ADIPOR2: variants seen among roughly 807,000 people sequenced by gnomAD.
ADIPOR2 encodes the protein adiponectin receptor 2, also known as adiponectin receptor protein 2.
ADIPOR2 carries 18 observed loss-of-function variants against 40.9 expected under a neutral mutation model. The observed-to-expected ratio is 0.44, with a 90% CI of 0.30 to 0.65. The LOEUF is 0.65. Among genes scored for constraint, ADIPOR2 ranks in the 30% least tolerant of loss-of-function variants. The pLI, the probability that ADIPOR2 is intolerant of heterozygous loss-of-function variation, is 0.09. For synonymous variants in ADIPOR2, 165 were observed against 166.4 expected (o/e 0.99, Z 0.06); for missense variants, 283 against 479.2 (o/e 0.59, Z 3.82).
intron 5 of ADIPOR2, 75 bp from the exon 6 acceptor site, chr12:1,780,814 G>A (rs1256992663): frequency 7.0e-7 from 1 of 1,427,710 alleles, no homozygotes. Context: ...TATGTCATGA[G>A]GGATTAATTG....
At chr12:1,764,232 T>C (rs1459411060) in intron 2 of ADIPOR2, among the ~76,000 whole-genome samples, 1 of 152,176 alleles carries the variant, frequency 6.6e-6, no homozygotes, top group Non-Finnish European at 1.5e-5. Flanking sequence ...ACTATATTAA[T>C]ACTTTTTTGT....
chr12:1,758,196 T>A (rs959894946), intron 2 of ADIPOR2, among the ~76,000 whole-genome samples: 1 of 152,250 alleles, frequency 6.6e-6, no homozygotes, highest in African/African-American at 2.4e-5. Context: ...TTAATTTCAC[T>A]AATAAATAAT....
At chr12:1,753,960 C>T (rs1306085828) in intron 1 of ADIPOR2, among the ~76,000 whole-genome samples, 1 of 151,940 alleles carries the variant, frequency 6.6e-6, no homozygotes, top group Admixed American at 6.6e-5. Context: ...TCTTCTGTAC[C>T]AAGAGTATGG....
chr12:1,731,913 G>A (rs780096430), intron 1 of ADIPOR2, among the ~76,000 whole-genome samples: 12 of 152,084 alleles, frequency 7.9e-5, no homozygotes, highest in Non-Finnish European at 1.2e-4. Flanking sequence ...GCAGTGAGCC[G>A]AGATCGTGCA....
At chr12:1,755,171 C>A (rs1862098293) in intron 2 of ADIPOR2, among the ~76,000 whole-genome samples, 1 of 151,540 alleles carries the variant, frequency 6.6e-6, no homozygotes, top group South Asian at 2.1e-4. Context: ...CCTCTACCTT[C>A]CAGGTTCAAG....
intron 1 of ADIPOR2, among the ~76,000 whole-genome samples, chr12:1,705,071 A>C (rs2094659320): frequency 6.6e-6 from 1 of 152,176 alleles, no homozygotes; most frequent in South Asian, 2.1e-4. Context: ...GTGAGATGAG[A>C]TAGAGCCCCG....
At chr12:1,770,389 A>C (rs1194682079) in intron 2 of ADIPOR2, among the ~76,000 whole-genome samples, 1 of 152,222 alleles carries the variant, frequency 6.6e-6, no homozygotes. Flanking sequence ...ATGAGAATAA[A>C]GACTCTTTGT....
intron 1 of ADIPOR2, among the ~76,000 whole-genome samples, chr12:1,711,660 T>C (rs1296140249): frequency 2.6e-5 from 4 of 151,446 alleles, no homozygotes; most frequent in Non-Finnish European, 5.9e-5. Context: ...TTCTGACTTC[T>C]TTTCTGTCTC....
intron 3 of ADIPOR2, among the ~76,000 whole-genome samples, chr12:1,774,874 T>C (rs1862557044): frequency 6.6e-6 from 1 of 150,394 alleles, no homozygotes; most frequent in African/African-American, 2.4e-5. Context: ...CCGGCTAATT[T>C]TTGTATTTTT....
intron 1 of ADIPOR2, among the ~76,000 whole-genome samples, chr12:1,739,920 G>A (rs1412323511): frequency 2.0e-5 from 3 of 152,164 alleles, no homozygotes; most frequent in Admixed American, 6.5e-5. Context: ...GGCCAACATG[G>A]TGAAACCCCG....
At chr12:1,784,617 G>A (rs149112642) in intron 7 of ADIPOR2, among the ~76,000 whole-genome samples, 1 of 152,320 alleles carries the variant, frequency 6.6e-6, no homozygotes, top group African/African-American at 2.4e-5. Context: ...TTAGTGATTT[G>A]TAATGGGAGA....
intron 1 of ADIPOR2, among the ~76,000 whole-genome samples, chr12:1,726,359 A>G (rs1565638940): frequency 6.6e-6 from 1 of 152,044 alleles, no homozygotes; most frequent in Non-Finnish European, 1.5e-5. Flanking sequence ...CACCACAGCC[A>G]GCTAATTTTT....
chr12:1,781,498 T>C (rs916887414), intron 6 of ADIPOR2, among the ~76,000 whole-genome samples: 4 of 152,244 alleles, frequency 2.6e-5, no homozygotes, highest in African/African-American at 9.6e-5. Flanking sequence ...TAATGGATAA[T>C]CTGCTTAAGG....
intron 2 of ADIPOR2, among the ~76,000 whole-genome samples, chr12:1,762,802 G>A (rs1862298144): frequency 6.6e-6 from 1 of 152,152 alleles, no homozygotes; most frequent in Non-Finnish European, 1.5e-5. Flanking sequence ...GAATGTATGT[G>A]TATTGTACAC....
intron 1 of ADIPOR2, among the ~76,000 whole-genome samples, chr12:1,718,318 A>G (rs746516397): frequency 7.2e-5 from 11 of 152,120 alleles, no homozygotes; most frequent in Non-Finnish European, 2.9e-5. Flanking sequence ...TGGGATGGTC[A>G]TCATCATATT....
chr12:1,772,706 T>G lies in ADIPOR2; in HGVS notation c.172-136T>G. The G allele has an allele frequency of 2.8e-6, 3 of 1,076,474 alleles. No individual in the cohort carries two copies. The South Asian group carries it at 6.9e-5, about 25-fold the overall frequency. The allele number at this position is 1,076,474 out of a possible 1,614,324, so 66.7% of individuals were successfully genotyped here. On this transcript the variant is annotated intron_variant, in intron 2 of 7. Transcript: ENST00000357103. ...CTAATAATTCTATAATAAACTGACT[T>G]ACTATATTGTTGATTCTTGTCTAAG...
intron 1 of ADIPOR2, among the ~76,000 whole-genome samples, chr12:1,702,101 G>A (rs977984830): frequency 6.6e-6 from 1 of 151,932 alleles, no homozygotes; most frequent in Non-Finnish European, 1.5e-5. Flanking sequence ...CAGCTTGGGT[G>A]ATGAGCGAAA....
Position 1,788,433 on chromosome 12 carries a change from A to G in ADIPOR2, c.*2361A>G, listed in dbSNP as rs1169523395. The G allele has an allele frequency of 6.6e-6, 1 of 152,368 alleles. No individual in the cohort carries two copies. The highest frequency in any genetic ancestry group is 1.9e-4 in the East Asian group (1 of 5,188). 9.4% of individuals were successfully genotyped at this position (152,368 alleles called of 1,614,324 possible). A position where few individuals can be genotyped will look rare whatever the true frequency, so the allele number is the denominator to read the frequency against. ...CTTGCTTGCTCTGTGCAGATTTTTA[A>G]TTTTCTTTTTTGGCCCTAGGCTGGT... On this transcript the variant is annotated 3_prime_UTR_variant, in exon 8 of 8. Coordinates refer to ENST00000357103, the MANE Select transcript of ADIPOR2 (RefSeq NM_024551.3).
At chr12:1,725,509 A>G (rs1449173774) in intron 1 of ADIPOR2, among the ~76,000 whole-genome samples, 2 of 152,252 alleles carry the variant, frequency 1.3e-5, no homozygotes, top group Non-Finnish European at 2.9e-5. Flanking sequence ...ATTACAGTAA[A>G]TGATCTTTAA....
Sources: allele counts gnomAD v4.1 joint callset (sites outside exome capture counted in the v4.1 genomes callset), GRCh38; gene constraint gnomAD v4.1.1; transcripts MANE v1.5; gene names NCBI Gene and HGNC (gene_info 2026-07-23, HGNC 2026-07-21).